The following COL6A5 variants were observed in gnomAD, a reference collection of about 807,000 sequenced individuals.
COL6A5 encodes collagen alpha-5(VI) chain.
COL6A5 carries 48 observed loss-of-function variants against 65.6 expected under a neutral mutation model. The observed-to-expected ratio is 0.73, with a 90% CI of 0.58 to 0.93. The LOEUF is 0.93. Among genes scored for constraint, COL6A5 ranks in the 40% least tolerant of loss-of-function variants. The pLI, the probability that COL6A5 is intolerant of heterozygous loss-of-function variation, is 0.00. For missense variants in COL6A5, 914 were observed against 928.3 expected, an observed-to-expected ratio of 0.98 and a Z score of 0.20; for synonymous variants, 291 against 322.8, an observed-to-expected ratio of 0.90 and a Z score of 1.05.
chr3:130,484,582 T>C, exon 8 of COL6A5: 1 of 398,940 alleles, frequency 2.5e-6, no homozygotes, highest in East Asian at 3.6e-5. Context: ...CTATGACCCA[T>C]AGTTAATGCT....
chr3:130,459,909 T>A (rs1709666345), intron 5 of COL6A5, among the ~76,000 whole-genome samples: 1 of 152,122 alleles, frequency 6.6e-6, no homozygotes, highest in Non-Finnish European at 1.5e-5. Context: ...CATGATATTA[T>A]GTCACAACAT....
At chr3:130,414,896 C>T (rs1488757822) in intron 22 of COL6A5, among the ~76,000 whole-genome samples, 1 of 152,022 alleles carries the variant, frequency 6.6e-6, no homozygotes, top group Non-Finnish European at 1.5e-5. Flanking sequence ...TTCTGGGGTC[C>T]CTGAACCAAG....
intron 7 of COL6A5, among the ~76,000 whole-genome samples, chr3:130,472,707 C>T (rs1709983862): frequency 6.6e-6 from 1 of 150,754 alleles, no homozygotes; most frequent in Non-Finnish European, 1.5e-5. Flanking sequence ...TTGTGTTGCC[C>T]CAAAGTGGGA....
At chr3:130,428,855 G>T (rs114576808), upstream of COL6A5, among the ~76,000 whole-genome samples, 1,705 of 152,228 alleles carry the variant, frequency 0.011, 38 homozygotes, top group African/African-American at 0.039. Flanking sequence ...AGGCTGGTGC[G>T]TTGCCAGTAT....
chr3:130,416,947 G>T (rs1577487798), intron 24 of COL6A5, 128 bp downstream of exon 24: 2 of 608,582 alleles, frequency 3.3e-6, no homozygotes, highest in East Asian at 3.0e-5. Flanking sequence ...TTTAAGTTCT[G>T]GGATACATGT....
At chr3:130,403,044 C>A (rs1936866814) in intron 12 of COL6A5, among the ~76,000 whole-genome samples, 1 of 152,152 alleles carries the variant, frequency 6.6e-6, no homozygotes, top group Non-Finnish European at 1.5e-5. Flanking sequence ...GCACAACCCC[C>A]CTGGTATACT....
intron 5 of COL6A5, 88 bp downstream of exon 5, chr3:130,385,452 G>A: frequency 7.6e-7 from 1 of 1,321,374 alleles, no homozygotes; most frequent in South Asian, 1.5e-5. Flanking sequence ...GGCCTGATGT[G>A]ACCAGTTGTC....
intron 17 of COL6A5, 111 bp downstream of exon 17, chr3:130,406,432 A>G: frequency 1.2e-6 from 1 of 811,146 alleles, no homozygotes; most frequent in South Asian, 1.7e-5. Flanking sequence ...TGACTTAACC[A>G]CATAATGAAG....
exon 3 of COL6A5, chr3:130,440,759 A>G: frequency 1.9e-6 from 3 of 1,613,372 alleles, no homozygotes; most frequent in Non-Finnish European, 1.7e-6. Flanking sequence ...ACAGCTTGGG[A>G]GAATACATAA....
intron 1 of COL6A5, among the ~76,000 whole-genome samples, chr3:130,349,531 A>G (rs1934624926): frequency 6.6e-6 from 1 of 152,248 alleles, no homozygotes; most frequent in South Asian, 2.1e-4. Flanking sequence ...GCAGTCTTTT[A>G]ACAATCAGAA....
Position 130,376,850 on chromosome 3 carries a change from TG to T in COL6A5, c.667+16del, listed in dbSNP as rs772162967. ...CTGATATGCAAGGTAAGGAAACCCT[TG>T]GTTGAAGAGGTGCCTGATCCCCAGG... On this transcript the variant is annotated intron_variant and NMD_transcript_variant, in intron 3 of 41. Coordinates refer to the COL6A5 transcript ENST00000312481. The T allele has an allele frequency of 2.1e-5, 33 of 1,593,744 alleles. No homozygotes were observed. The highest frequency in any genetic ancestry group is 1.5e-5 in the Non-Finnish European group (18 of 1,169,692).
In COL6A5 at chr3:130,401,659, G is replaced by T. The variant is rs370405231; in HGVS notation, c.4135-103G>T. ...TGCAGCCCCTCATCCAAAGGGTGAA[G>T]ATGGGCGTGTAGATGGTGGATTATG... On this transcript the variant is annotated intron_variant and NMD_transcript_variant, in intron 11 of 41. Coordinates refer to the COL6A5 transcript ENST00000312481. 2.3e-5 allele frequency: 19 copies of T among 833,540 alleles called. No homozygotes were observed. In the African/African-American group the frequency reaches 2.7e-4, roughly 12 times the overall value. The allele number at this position is 833,540 out of a possible 1,614,324, so 51.6% of individuals were successfully genotyped here. A position where few individuals can be genotyped will look rare whatever the true frequency, so the allele number is the denominator to read the frequency against.
intron 1 of COL6A5, among the ~76,000 whole-genome samples, chr3:130,368,596 G>GAAAGTC (rs1353853309): frequency 2.6e-5 from 4 of 151,914 alleles, no homozygotes; most frequent in African/African-American, 7.3e-5. Flanking sequence ...GGGGGATTAA[G>GAAAGTC]AAAGTCTTTC....
chr3:130,456,999 G>T (rs1281178866), intron 5 of COL6A5, among the ~76,000 whole-genome samples: 5 of 152,050 alleles, frequency 3.3e-5, no homozygotes, highest in Non-Finnish European at 7.4e-5. Flanking sequence ...AAGTAGTGAT[G>T]CAGTAAAACT....
chr3:130,436,128 G>A (rs1465998578), intron 1 of COL6A5, among the ~76,000 whole-genome samples: 1 of 151,870 alleles, frequency 6.6e-6, no homozygotes, highest in Non-Finnish European at 1.5e-5. Flanking sequence ...ATTTTTCTCT[G>A]TAGAGTATAT....
exon 7 of COL6A5, chr3:130,391,493 C>G: frequency 6.4e-7 from 1 of 1,551,654 alleles, no homozygotes; most frequent in Non-Finnish European, 8.7e-7. Flanking sequence ...ACATGGCAGC[C>G]GCATCAAGCA....
At chr3:130,477,070 T>A (rs999493056) in intron 7 of COL6A5, 122 of 1,514,912 alleles carry the variant, frequency 8.1e-5, no homozygotes, top group Non-Finnish European at 1.1e-4. Flanking sequence ...ATCTGAAGCA[T>A]CTTACCTAAG....
intron 7 of COL6A5, chr3:130,477,206 G>A (rs1288212172): frequency 2.7e-6 from 2 of 738,720 alleles, no homozygotes. Context: ...TTGTTGAAAA[G>A]TTGAAGATGA....
intron 30 of COL6A5, 50 bp downstream of exon 30, chr3:130,426,299 A>G: frequency 1.9e-6 from 3 of 1,550,028 alleles, no homozygotes; most frequent in Non-Finnish European, 1.7e-6. Flanking sequence ...TCACTGGGAA[A>G]TAAACACAGT....
Sources: allele counts gnomAD v4.1 joint callset (sites outside exome capture counted in the v4.1 genomes callset), GRCh38; gene constraint gnomAD v4.1.1; transcripts MANE v1.5; gene names NCBI Gene and HGNC (gene_info 2026-07-23, HGNC 2026-07-21).